Variants in NIM1K observed in about 807,000 individuals in gnomAD.
NIM1K encodes NIM1 serine/threonine protein kinase.
In NIM1K, 35 loss-of-function variants were observed where a neutral mutation model predicts 37.1. The observed-to-expected ratio is 0.94, with a 90% CI of 0.72 to 1.25. The LOEUF is 1.25. NIM1K is among the 50% of genes most tolerant of loss of function. NIM1K has a pLI of 0.00. For synonymous variants in NIM1K, 234 were observed against 206.6 expected, an observed-to-expected ratio of 1.13 and a Z score of -1.14; for missense variants, 564 against 548.0, an observed-to-expected ratio of 1.03 and a Z score of -0.29.
chr5:43,203,514 A>C (rs892379129), intron 1 of NIM1K, among the ~76,000 whole-genome samples: 2 of 152,132 alleles, frequency 1.3e-5, no homozygotes, highest in Admixed American at 1.3e-4. Context: ...TTTTCTGTCC[A>C]TAAATCTTCC....
rs115776028 is a variant in NIM1K, at chr5:43,228,979, A to G, written c.-694-16103A>G. On this transcript the variant is annotated intron_variant, in intron 1 of 3. Transcript: ENST00000326035. ...GTATTACATGAAAAATATAGATGAT[A>G]CTGTTTTGTCGAAATTAATTTGCTA... 5.2e-3 allele frequency among the ~76,000 whole-genome samples: 794 copies of G among 152,330 alleles called. 2 individuals carry two copies. The highest frequency in any genetic ancestry group is 0.018 in the African/African-American group (763 of 41,564).
chr5:43,280,601 C>T lies in NIM1K; in HGVS notation c.1183C>T (p.Gln395Ter), dbSNP rs754341253. Residue 395 changes from glutamine to a stop codon, truncating the protein, a stop_gained, in exon 4 of 4, where the codon CAA becomes TAA. Transcript: ENST00000326035. LOFTEE classifies it high-confidence loss of function. ...CTATAGAATTATTTTACATAGAGTC[C>T]AAAGGAAGAAGGCTTTGGAAAGTGT... ...GVYRIILHRV[Q>*]RKKALESVPV... 6.2e-7 allele frequency: 1 copy of T among 1,614,030 alleles called. No homozygotes were observed. Among genetic ancestry groups the T allele is most frequent in the Non-Finnish European group, 8.5e-7 (1 of 1,180,012 alleles).
intron 2 of NIM1K, among the ~76,000 whole-genome samples, chr5:43,254,811 C>T (rs559298456): frequency 2.2e-4 from 34 of 152,298 alleles, no homozygotes; most frequent in African/African-American, 7.7e-4. Context: ...TCAAGCAATC[C>T]TCCTGCCTCA....
intron 1 of NIM1K, among the ~76,000 whole-genome samples, chr5:43,214,740 C>T (rs879804981): frequency 5.6e-5 from 8 of 144,068 alleles, no homozygotes; most frequent in African/African-American, 1.5e-4. Flanking sequence ...GGCGTGAACC[C>T]AGGAGGCGGA....
chr5:43,258,838 ACTG>A (rs1306098358), intron 2 of NIM1K, among the ~76,000 whole-genome samples: 1 of 152,104 alleles, frequency 6.6e-6, no homozygotes, highest in Non-Finnish European at 1.5e-5. Flanking sequence ...TGAACTGTAT[ACTG>A]GTGAAATCTT....
intron 2 of NIM1K, among the ~76,000 whole-genome samples, chr5:43,268,155 G>GATTATAAT (rs1157177630): frequency 6.6e-6 from 1 of 152,034 alleles, no homozygotes; most frequent in Non-Finnish European, 1.5e-5. Flanking sequence ...ATATATTTTG[G>GATTATAAT]ATTATAATAT....
chr5:43,254,645 T>TG (rs1404319483), intron 2 of NIM1K, among the ~76,000 whole-genome samples: 4 of 152,212 alleles, frequency 2.6e-5, no homozygotes, highest in African/African-American at 9.7e-5. Flanking sequence ...TTCTGGTAGG[T>TG]GCTGTATGCT....
chr5:43,218,274 G>A (rs192348337), intron 1 of NIM1K, among the ~76,000 whole-genome samples: 86 of 152,128 alleles, frequency 5.7e-4, no homozygotes, highest in Non-Finnish European at 1.0e-3. Context: ...GCCTCCCAAA[G>A]TGCTGGGATT....
chr5:43,235,120 C>A (rs985280142), intron 1 of NIM1K, among the ~76,000 whole-genome samples: 4 of 152,124 alleles, frequency 2.6e-5, no homozygotes, highest in African/African-American at 4.8e-5. Flanking sequence ...GTAATTCTTA[C>A]AAATATAATG....
At chr5:43,213,331 T>TTTTCC (rs1752247915) in intron 1 of NIM1K, among the ~76,000 whole-genome samples, 1 of 137,724 alleles carries the variant, frequency 7.3e-6, no homozygotes, top group African/African-American at 2.7e-5. Context: ...TTTTCTTTTC[T>TTTTCC]TTTCTTTTCT....
rs141800264 is a variant in NIM1K, at chr5:43,209,861, C to T, written c.-695+17450C>T. Among the ~76,000 whole-genome samples, 992 of 152,262 alleles carry T rather than the reference C, an allele frequency of 6.5e-3. 9 individuals carry two copies. The highest frequency in any genetic ancestry group is 0.023 in the African/African-American group (955 of 41,564). The stretch of plus-strand genomic sequence containing the variant: ...AACTCTTGACATCAAGTGATCCATC[C>T]ACCTGGGCCTCCCAAAGTGCTGGGA... On this transcript the variant is annotated intron_variant, in intron 1 of 3. Coordinates refer to ENST00000326035, the MANE Select transcript of NIM1K (RefSeq NM_153361.4).
chr5:43,213,197 CTTTCTTTCTTTCTTTCTTTCTTTCTTT>C (rs1752235518), intron 1 of NIM1K, among the ~76,000 whole-genome samples: 1 of 53,938 alleles, frequency 1.9e-5, no homozygotes, highest in Non-Finnish European at 4.9e-5. Context: ...TTCTTTCTTT[CTTTCTTTCTTTCTTTCTTTCTTTCTTT>C]CCTTCTTTTC....
chr5:43,238,865 C>G lies in NIM1K; in HGVS notation c.-694-6217C>G, dbSNP rs567733414. Among the ~76,000 whole-genome samples, 3 of 147,290 alleles carry G rather than the reference C, an allele frequency of 2.0e-5. No homozygotes were observed. The South Asian group carries it at 6.3e-4, about 31-fold the overall frequency. ...AGAATGAGGGATTCTACAACACAGA[C>G]TTTTACCTAATCCTCCGTCCTGTGC... On this transcript the variant is annotated intron_variant, in intron 1 of 3. Coordinates refer to ENST00000326035, the MANE Select transcript of NIM1K (RefSeq NM_153361.4).
chr5:43,250,347 A>T (rs1305753751), intron 2 of NIM1K, among the ~76,000 whole-genome samples: 1 of 152,194 alleles, frequency 6.6e-6, no homozygotes, highest in African/African-American at 2.4e-5. Flanking sequence ...TAAATTCTTT[A>T]ACTTAGCCAC....
chr5:43,253,888 C>G (rs1478355539), intron 2 of NIM1K, among the ~76,000 whole-genome samples: 1 of 152,062 alleles, frequency 6.6e-6, no homozygotes, highest in African/African-American at 2.4e-5. Context: ...GTCTCGAATT[C>G]CTGACCTCGT....
At chr5:43,212,214 G>T (rs138516688) in intron 1 of NIM1K, among the ~76,000 whole-genome samples, 1 of 152,092 alleles carries the variant, frequency 6.6e-6, no homozygotes, top group African/African-American at 2.4e-5. Context: ...AGGATTGGGT[G>T]AGGGGAAGGT....
chr5:43,202,926 T>C (rs1192044993), intron 1 of NIM1K, among the ~76,000 whole-genome samples: 4 of 152,224 alleles, frequency 2.6e-5, no homozygotes, highest in Non-Finnish European at 2.9e-5. Flanking sequence ...GCTTACCTGC[T>C]GCTGGCTCCA....
In NIM1K at chr5:43,280,849, C is replaced by T; in HGVS notation, c.*120C>T. 4.3e-6 allele frequency: 4 copies of T among 923,612 alleles called. No homozygotes were observed. The highest frequency in any genetic ancestry group is 6.3e-6 in the Non-Finnish European group (4 of 632,378). The allele number at this position is 923,612 out of a possible 1,614,324, so 57.2% of individuals were successfully genotyped here. On this transcript the variant is annotated 3_prime_UTR_variant, in exon 4 of 4. Coordinates refer to ENST00000326035, the MANE Select transcript of NIM1K (RefSeq NM_153361.4). ...TAAATAAACTTAAATTTGAGATATG[C>T]ATTTTTTTTCTCCAAAAAGTCTATT...
At chr5:43,258,779 A>AC (rs1328596677) in intron 2 of NIM1K, among the ~76,000 whole-genome samples, 1 of 151,724 alleles carries the variant, frequency 6.6e-6, no homozygotes, top group Non-Finnish European at 1.5e-5. Context: ...TTACTTATAA[A>AC]TTTTTTTTCA....
Sources: allele counts gnomAD v4.1 joint callset (sites outside exome capture counted in the v4.1 genomes callset), GRCh38; gene constraint gnomAD v4.1.1; transcripts MANE v1.5; gene names NCBI Gene and HGNC (gene_info 2026-07-23, HGNC 2026-07-21).